EFNA4: variants seen among roughly 807,000 people sequenced by gnomAD.
EFNA4 encodes the protein ephrin-A4.
EFNA4 carries 22 observed loss-of-function variants against 23.7 expected under a neutral mutation model. The observed-to-expected ratio is 0.93, with a 90% CI of 0.66 to 1.32. The LOEUF (loss-of-function observed/expected upper bound fraction) is 1.32. Among genes scored for constraint, EFNA4 ranks in the 40% most tolerant of loss-of-function variants. The pLI, the probability that EFNA4 is intolerant of heterozygous loss-of-function variation, is 0.00. For synonymous variants in EFNA4, 113 were observed against 108.3 expected, an observed-to-expected ratio of 1.04 and a Z score of -0.27; for missense variants, 252 against 252.3, an observed-to-expected ratio of 1.00 and a Z score of 0.01.
chr1:155,063,954 G>A lies in EFNA4; in HGVS notation c.113+18G>A. The A allele has an allele frequency of 6.5e-7, 1 of 1,530,374 alleles. No individual in the cohort carries two copies. 94.8% of individuals were successfully genotyped at this position (1,530,374 alleles called of 1,614,324 possible). On this transcript the variant is annotated intron_variant, in intron 1 of 3. Coordinates refer to ENST00000368409, the MANE Select transcript of EFNA4 (RefSeq NM_005227.3). This position sits in a 1 kb window ranked among gnomAD's most constrained non-coding sequence, Gnocchi z 4.1. ...AACCCCAGGTAGCCGGGCCGAACCG[G>A]GCGAGCGCACAGCCAAGTCTGCGCG...
In EFNA4 at chr1:155,067,359, T is replaced by C. The variant is rs1304077370; in HGVS notation, c.401-13T>C. 1.2e-6 allele frequency: 2 copies of C among 1,613,950 alleles called. No individual in the cohort carries two copies. Among genetic ancestry groups the C allele is most frequent in the Non-Finnish European group, 1.7e-6 (2 of 1,179,992 alleles). Reference sequence around the variant, plus strand: ...TCCCTGTGCTAACTTTTTCCCACTTTCCCACTACCCAGCGGTGCCCACTCC... The same window carrying C: ...TCCCTGTGCTAACTTTTTCCCACTTCCCCACTACCCAGCGGTGCCCACTCC... On this transcript the variant is annotated splice_polypyrimidine_tract_variant and intron_variant, in intron 2 of 3. Coordinates refer to ENST00000368409, the MANE Select transcript of EFNA4 (RefSeq NM_005227.3).
chr1:155,067,500 GGAGT>G, intron 3 of EFNA4, 60 bp downstream of exon 3: 2 of 1,583,374 alleles, frequency 1.3e-6, no homozygotes, highest in Non-Finnish European at 1.7e-6. Context: ...AAGGAGGGAA[GGAGT>G]GAGAAGAATC....
At chr1:155,066,611 C>T in intron 1 of EFNA4, 119 bp from the exon 2 acceptor site, 24 of 1,278,624 alleles carry the variant, frequency 1.9e-5, no homozygotes, top group Non-Finnish European at 2.3e-5. Context: ...CTGAGCTGCT[C>T]CATCGCACAT....
At chr1:155,068,590 A>T (rs1236724611) in intron 3 of EFNA4, among the ~76,000 whole-genome samples, 1 of 151,928 alleles carries the variant, frequency 6.6e-6, no homozygotes, top group African/African-American at 2.4e-5. Flanking sequence ...CATACTGTAC[A>T]CTTTTTAAAG....
intron 3 of EFNA4, 62 bp downstream of exon 3, chr1:155,067,502 A>C: frequency 7.6e-6 from 12 of 1,582,090 alleles, no homozygotes; most frequent in Non-Finnish European, 1.0e-5. Context: ...GGAGGGAAGG[A>C]GTGAGAAGAA....
chr1:155,064,621 TTCTC>T (rs1219169314), intron 1 of EFNA4, among the ~76,000 whole-genome samples: 1 of 152,184 alleles, frequency 6.6e-6, no homozygotes, highest in Non-Finnish European at 1.5e-5. Context: ...TATTATTTCT[TTCTC>T]TCTCCTGAGC....
chr1:155,063,870 T>C lies in EFNA4; in HGVS notation c.47T>C (p.Leu16Pro). Residue 16 changes from leucine to proline, a missense_variant, in exon 1 of 4, where the codon CTC (leucine) becomes CCC (proline). Leu to Pro is a moderately conservative substitution (Grantham distance 98). Transcript: ENST00000368409. The surrounding 1 kb of genome is among the most constrained non-coding windows in gnomAD (Gnocchi z 4.1). ...CGGACTGTCCTCTGGGCCGCGTTCCTCGGCTCCCCTCTGCGCGGGGGCTCC... is the reference window on the plus strand; with the variant it reads ...CGGACTGTCCTCTGGGCCGCGTTCCCCGGCTCCCCTCTGCGCGGGGGCTCC... ...LLRTVLWAAF[L>P]GSPLRGGSSL... 6.4e-7 allele frequency: 1 copy of C among 1,559,568 alleles called. No individual in the cohort carries two copies. Among genetic ancestry groups the C allele is most frequent in the Non-Finnish European group, 8.7e-7 (1 of 1,153,908 alleles).
At position 155,063,861 on chromosome 1, in the gene EFNA4, C is replaced by T; in HGVS notation, c.38C>T (p.Ala13Val). The T allele has an allele frequency of 6.4e-7, 1 of 1,552,906 alleles. No individual in the cohort carries two copies. Among genetic ancestry groups the T allele is most frequent in the Non-Finnish European group, 8.7e-7 (1 of 1,150,144 alleles). ...LLPLLRTVLW[A>V]AFLGSPLRGG... ...CCCCTGCTGCGGACTGTCCTCTGGG[C>T]CGCGTTCCTCGGCTCCCCTCTGCGC... The change falls in exon 1 of 4, where the codon GCC becomes GTC. Residue 13 changes from alanine to valine, a missense_variant. Coordinates refer to ENST00000368409, the MANE Select transcript of EFNA4 (RefSeq NM_005227.3). This position sits in a 1 kb window ranked among gnomAD's most constrained non-coding sequence, Gnocchi z 4.1.
At chr1:155,068,752 G>A (rs1663110237) in intron 3 of EFNA4, 101 bp from the exon 4 acceptor site, 12 of 1,269,670 alleles carry the variant, frequency 9.5e-6, no homozygotes, top group Non-Finnish European at 1.3e-5. Flanking sequence ...TGGTTTGGGA[G>A]ACCCTGGAGG....
intron 3 of EFNA4, among the ~76,000 whole-genome samples, chr1:155,068,427 ATTTTTTTTTTTT>A (rs71077978): frequency 6.3e-4 from 16 of 25,376 alleles, no homozygotes; most frequent in South Asian, 2.8e-3. Flanking sequence ...CACCCAGCTG[ATTTTTTTTTTTT>A]TTTTTTTTTT....
In EFNA4 at chr1:155,063,798, C is replaced by G. The variant is rs1219973346; in HGVS notation, c.-26C>G. 1 of 1,507,534 alleles carries G rather than the reference C, an allele frequency of 6.6e-7. No individual in the cohort carries two copies. Among genetic ancestry groups the G allele is most frequent in the East Asian group, 2.8e-5 (1 of 35,726 alleles). 93.4% of individuals were successfully genotyped at this position (1,507,534 alleles called of 1,614,324 possible). ...GTGAAGCGGGCCGGGACCTGCCAGGCCAGACCAAACCGGACCTCGGGGGCG... is the reference window on the plus strand; with the variant it reads ...GTGAAGCGGGCCGGGACCTGCCAGGGCAGACCAAACCGGACCTCGGGGGCG... On this transcript the variant is annotated 5_prime_UTR_variant, in exon 1 of 4. Coordinates refer to ENST00000368409, the MANE Select transcript of EFNA4 (RefSeq NM_005227.3). This position sits in a 1 kb window ranked among gnomAD's most constrained non-coding sequence, Gnocchi z 4.1.
At chr1:155,068,655 G>A (rs977024365) in intron 3 of EFNA4, among the ~76,000 whole-genome samples, 198 bp from the exon 4 acceptor site, 10 of 152,150 alleles carry the variant, frequency 6.6e-5, no homozygotes, top group African/African-American at 2.4e-4. Context: ...TCTTAGCTGA[G>A]TTGGTTGTCT....
In EFNA4 at chr1:155,066,941, T is replaced by C. The variant is rs1663064781; in HGVS notation, c.325T>C (p.Ser109Pro). ...CCTGCCCTTTGGCCATGTTCAATTCTCAGAGAAGATTCAGCGCTTCACACC... is the reference window on the plus strand; with the variant it reads ...CCTGCCCTTTGGCCATGTTCAATTCCCAGAGAAGATTCAGCGCTTCACACC... ...CSLPFGHVQF[S>P]EKIQRFTPFS... Residue 109 changes from serine (S) to proline (P), a missense_variant, in exon 2 of 4, where the codon TCA (serine) becomes CCA (proline). Physicochemically the swap from Ser to Pro is moderately conservative, Grantham distance 74. Coordinates refer to ENST00000368409, the MANE Select transcript of EFNA4 (RefSeq NM_005227.3). The C allele has an allele frequency of 4.3e-6, 7 of 1,614,040 alleles. No individual in the cohort carries two copies. The highest frequency in any genetic ancestry group is 1.6e-4 in the Middle Eastern group (1 of 6,084).
chr1:155,068,179 T>C (rs183693043), intron 3 of EFNA4, among the ~76,000 whole-genome samples: 1 of 152,186 alleles, frequency 6.6e-6, no homozygotes, highest in East Asian at 1.9e-4. Flanking sequence ...CTTGAACTCC[T>C]GACCTCAAGA....
chr1:155,067,457 C>T lies in EFNA4; in HGVS notation c.469+17C>T, dbSNP rs200210811. The stretch of plus-strand genomic sequence containing the variant: ...AGGAGAGGAGTAAGTGGGTTGGGAG[C>T]ATGGACCCTACTGGCTAATGTGGGG... On this transcript the variant is annotated intron_variant, in intron 3 of 3. Transcript: ENST00000368409. 5.0e-6 allele frequency: 8 copies of T among 1,613,862 alleles called. No homozygotes were observed. The highest frequency in any genetic ancestry group is 6.8e-6 in the Non-Finnish European group (8 of 1,179,914).
At position 155,066,794 on chromosome 1, in the gene EFNA4, C is replaced by T. The variant is rs148289726; in HGVS notation, c.178C>T (p.His60Tyr). Residue 60 changes from histidine (H) to tyrosine (Y), a missense_variant, in exon 2 of 4, where the codon CAC (histidine) becomes TAC (tyrosine). Coordinates refer to ENST00000368409, the MANE Select transcript of EFNA4 (RefSeq NM_005227.3). The stretch of plus-strand genomic sequence containing the variant: ...CGATTACCTAGACATTGTCTGCCCC[C>T]ACTACGAAGGCCCAGGGCCCCCTGA... ...LNDYLDIVCPHYEGPGPPEGP... is the reference protein window; with the variant it reads ...LNDYLDIVCPYYEGPGPPEGP... 3,490 of 1,612,736 alleles carry T rather than the reference C, an allele frequency of 2.2e-3. 11 individuals are homozygous for T. The highest frequency in any genetic ancestry group is 5.6e-3 in the Middle Eastern group (34 of 6,050).
rs1253329399 is a variant in EFNA4, at chr1:155,066,952, T to A, written c.336T>A (p.Ile112=). 4 of 1,614,088 alleles carry A rather than the reference T, an allele frequency of 2.5e-6. No homozygotes were observed. Among genetic ancestry groups the A allele is most frequent in the East Asian group, 2.2e-5 (1 of 44,876 alleles). Residue 112 remains isoleucine (I), a synonymous_variant, in exon 2 of 4, where the codon ATT becomes ATA. Transcript: ENST00000368409. ...PFGHVQFSEK[I]QRFTPFSLGF... ...GCCATGTTCAATTCTCAGAGAAGAT[T>A]CAGCGCTTCACACCCTTCTCCCTCG... is the stretch of plus-strand genomic sequence containing the variant.
chr1:155,067,486 TGGGAAGGA>T, intron 3 of EFNA4, 46 bp downstream of exon 3: 1 of 1,604,122 alleles, frequency 6.2e-7, no homozygotes, highest in Non-Finnish European at 8.5e-7. Flanking sequence ...TGTGGGGCCT[TGGGAAGGA>T]GGGAAGGAGT....
At position 155,067,422 on chromosome 1, in the gene EFNA4, G is replaced by A. The variant is rs780776065; in HGVS notation, c.451G>A (p.Val151Ile). The A allele has an allele frequency of 1.2e-6, 2 of 1,614,220 alleles. No individual in the cohort carries two copies. Among genetic ancestry groups the A allele is most frequent in the East Asian group, 4.5e-5 (2 of 44,888 alleles). ...CCAGTGCTTGAGGCTCCAGGTGTCTGTCTGCTGCAAGGAGAGGAGTAAGTG... is the reference window on the plus strand; with the variant it reads ...CCAGTGCTTGAGGCTCCAGGTGTCTATCTGCTGCAAGGAGAGGAGTAAGTG... ...SGQCLRLQVS[V>I]CCKERKSESA... The change falls in exon 3 of 4, where the codon GTC becomes ATC. Residue 151 changes from valine (V) to isoleucine (I), a missense_variant. Physicochemically the swap from Val to Ile is conservative, Grantham distance 29. Coordinates refer to ENST00000368409, the MANE Select transcript of EFNA4 (RefSeq NM_005227.3).
Sources: gnomAD v4.1 joint callset for allele counts (sites outside exome capture counted in the v4.1 genomes callset) on GRCh38, gnomAD v4.1.1 for gene constraint, Gnocchi (gnomAD v3.1) non-coding constraint, MANE v1.5 for transcripts, NCBI Gene and HGNC (gene_info 2026-07-23, HGNC 2026-07-21) for gene names.